MBNL1: variants seen among roughly 807,000 people sequenced by gnomAD.
The protein encoded by MBNL1 is muscleblind like splicing regulator 1.
Under a neutral mutation model 42.2 loss-of-function variants are expected in MBNL1, and 8 were observed. The ratio of observed to expected loss-of-function variants is 0.19; its 90% confidence interval spans 0.11 to 0.34. The LOEUF (loss-of-function observed/expected upper bound fraction) is 0.34. Ranked by LOEUF, MBNL1 falls within the 10% of genes least tolerant of loss-of-function variation. The probability of loss-of-function intolerance (pLI) is 1.00; values close to 1 mark genes in which losing one functional copy is unlikely to be tolerated. For synonymous variants in MBNL1, 169 were observed against 173.9 expected (o/e 0.97, Z 0.22); for missense variants, 309 against 495.3 (o/e 0.62, Z 3.57).
chr3:152,377,024 T>C (rs531601553), intron 2 of MBNL1, among the ~76,000 whole-genome samples: 2 of 152,252 alleles, frequency 1.3e-5, no homozygotes, highest in African/African-American at 4.8e-5. Context: ...CATGCGAACT[T>C]GTTGTTTTAA....
At chr3:152,308,269 A>G (rs899820057) in intron 2 of MBNL1, among the ~76,000 whole-genome samples, 1 of 152,168 alleles carries the variant, frequency 6.6e-6, no homozygotes, top group African/African-American at 2.4e-5. Flanking sequence ...GAGAACTCCT[A>G]GAGTCACAGA....
chr3:152,434,249 T>G (rs867790549), intron 4 of MBNL1, among the ~76,000 whole-genome samples: 1 of 152,214 alleles, frequency 6.6e-6, no homozygotes, highest in African/African-American at 2.4e-5. Context: ...TTTCCCTCTT[T>G]GTGTCCATGA....
chr3:152,321,374 A>G (rs1461735212), intron 2 of MBNL1, among the ~76,000 whole-genome samples: 2 of 152,104 alleles, frequency 1.3e-5, no homozygotes, highest in Non-Finnish European at 2.9e-5. Context: ...TTCAGATTTT[A>G]TAAAAGTCAT....
chr3:152,301,899 TC>T (rs1372892148), intron 2 of MBNL1: 1 of 152,098 alleles, frequency 6.6e-6, no homozygotes, highest in African/African-American at 2.4e-5. Flanking sequence ...TAATAGTAAA[TC>T]CAATTTTTAA....
chr3:152,365,428 C>A lies in MBNL1; in HGVS notation c.175-49513C>A, dbSNP rs148284091. Among the ~76,000 whole-genome samples the A allele has an allele frequency of 2.4e-3, 360 of 152,190 alleles. 2 individuals are homozygous for A. The highest frequency in any genetic ancestry group is 8.3e-3 in the African/African-American group (344 of 41,540). The stretch of plus-strand genomic sequence containing the variant: ...TCACCTATTAAAATTGTCATTATTT[C>A]TTTTCTGTCTAAAGTCTCAAAGACT... On this transcript the variant is annotated intron_variant, in intron 2 of 9. Coordinates refer to ENST00000324210, the MANE Select transcript of MBNL1 (RefSeq NM_021038.5).
Position 152,258,162 on chromosome 3 carries a change from A to T in MBNL1, n.333+13722A>T, listed in dbSNP as rs190207236. On this transcript the variant is annotated intron_variant and non_coding_transcript_variant, in intron 2 of 2. Coordinates refer to the MBNL1 transcript ENST00000477171. ...ATTTGAATCCTCATATTTTGAAGAG[A>T]CTTGAAGCTTAACAAGAGCTTATTT... is the stretch of plus-strand genomic sequence containing the variant. Among the ~76,000 whole-genome samples, 851 of 152,284 alleles carry T rather than the reference A, an allele frequency of 5.6e-3. 14 individuals carry two copies. The highest frequency in any genetic ancestry group is 0.019 in the African/African-American group (805 of 41,544).
chr3:152,411,869 C>G (rs1415382279), intron 2 of MBNL1, among the ~76,000 whole-genome samples: 1 of 152,102 alleles, frequency 6.6e-6, no homozygotes, highest in East Asian at 1.9e-4. Context: ...ATGAAAGCAT[C>G]ATTAGGTCAG....
intron 2 of MBNL1, among the ~76,000 whole-genome samples, chr3:152,344,608 TG>T (rs1381607436): frequency 6.6e-6 from 1 of 152,214 alleles, no homozygotes; most frequent in Non-Finnish European, 1.5e-5. Context: ...CCAGTGCTCC[TG>T]TCAGTGTGGA....
intron 2 of MBNL1, among the ~76,000 whole-genome samples, chr3:152,251,335 A>G (rs955801550): frequency 2.6e-5 from 4 of 152,118 alleles, no homozygotes; most frequent in Admixed American, 6.6e-5. Flanking sequence ...TAAAACATTT[A>G]TACATGGTGG....
intron 2 of MBNL1, among the ~76,000 whole-genome samples, chr3:152,383,619 T>G (rs1247975859): frequency 1.3e-5 from 2 of 152,028 alleles, no homozygotes; most frequent in African/African-American, 4.8e-5. Context: ...CCATGGAGCT[T>G]TTTCCCAAGT....
intron 2 of MBNL1, among the ~76,000 whole-genome samples, chr3:152,312,851 A>G (rs997809976): frequency 6.6e-6 from 1 of 152,020 alleles, no homozygotes; most frequent in Non-Finnish European, 1.5e-5. Flanking sequence ...TTTCTTTGGG[A>G]TGAAATTTGT....
intron 1 of MBNL1, among the ~76,000 whole-genome samples, chr3:152,274,393 AG>A (rs1447455398): frequency 6.6e-6 from 1 of 152,172 alleles, no homozygotes; most frequent in Non-Finnish European, 1.5e-5. Flanking sequence ...CAAAAAAATA[AG>A]AATCTGGTAG....
At chr3:152,379,211 A>G (rs2097069336) in intron 2 of MBNL1, among the ~76,000 whole-genome samples, 1 of 152,230 alleles carries the variant, frequency 6.6e-6, no homozygotes, top group African/African-American at 2.4e-5. Context: ...TTCTCTTGGC[A>G]AATTGATAGA....
chr3:152,303,461 A>G (rs1009187737), intron 2 of MBNL1, among the ~76,000 whole-genome samples: 3 of 152,188 alleles, frequency 2.0e-5, no homozygotes, highest in Non-Finnish European at 4.4e-5. Flanking sequence ...TGTATTAGCT[A>G]TTTCAGAAAT....
chr3:152,289,231 A>G (rs1333249781), intron 1 of MBNL1, among the ~76,000 whole-genome samples: 4 of 152,144 alleles, frequency 2.6e-5, no homozygotes, highest in Non-Finnish European at 5.9e-5. Context: ...GCATTAACTT[A>G]GTTGACTACT....
chr3:152,426,024 A>G (rs1331538136), intron 3 of MBNL1, among the ~76,000 whole-genome samples: 1 of 152,256 alleles, frequency 6.6e-6, no homozygotes, highest in African/African-American at 2.4e-5. Context: ...GCCATAGGAA[A>G]GAATGAGTTC....
chr3:152,459,213 C>G (rs1156710420), intron 8 of MBNL1, 58 bp from the exon 9 acceptor site: 3 of 890,234 alleles, frequency 3.4e-6, no homozygotes, highest in Non-Finnish European at 5.1e-6. Flanking sequence ...ATGTTTTCAT[C>G]TCTTAATTGT....
At chr3:152,355,063 G>T (rs1256340233) in intron 2 of MBNL1, among the ~76,000 whole-genome samples, 2 of 152,026 alleles carry the variant, frequency 1.3e-5, no homozygotes, top group African/African-American at 4.8e-5. Flanking sequence ...CCAGAGCTTG[G>T]CATTTTTTTT....
intron 1 of MBNL1, among the ~76,000 whole-genome samples, chr3:152,281,836 A>G (rs1038529100): frequency 1.3e-5 from 2 of 152,088 alleles, no homozygotes; most frequent in Non-Finnish European, 2.9e-5. Flanking sequence ...TCTGTTGCCA[A>G]CATTAAAATA....
Sources: gnomAD v4.1 joint callset for allele counts (sites outside exome capture counted in the v4.1 genomes callset) on GRCh38, gnomAD v4.1.1 for gene constraint, MANE v1.5 for transcripts, NCBI Gene and HGNC (gene_info 2026-07-23, HGNC 2026-07-21) for gene names.